Variants in NRG3 observed in about 807,000 individuals in gnomAD.
The protein encoded by NRG3 is pro-neuregulin-3, membrane-bound isoform.
Under a neutral mutation model 66.9 loss-of-function variants are expected in NRG3, and 31 were observed. The observed-to-expected ratio is 0.46, with a 90% confidence interval of 0.35 to 0.63. The LOEUF (loss-of-function observed/expected upper bound fraction) is 0.63, where lower values mean the gene tolerates loss of function less well. Ranked by LOEUF, NRG3 falls within the 20% of genes least tolerant of loss-of-function variation. NRG3 has a pLI of 0.00. For missense variants in NRG3, 910 were observed against 878.9 expected (o/e 1.04, Z -0.45); for synonymous variants, 393 against 359.4 (o/e 1.09, Z -1.06).
At chr10:82,981,705 G>T (rs1021541859) in intron 8 of NRG3, among the ~76,000 whole-genome samples, 1 of 152,156 alleles carries the variant, frequency 6.6e-6, no homozygotes, top group African/African-American at 2.4e-5. Flanking sequence ...GAAGGAGTGA[G>T]GTGGAGAGGA....
intron 8 of NRG3, among the ~76,000 whole-genome samples, chr10:82,981,429 AT>A (rs2132669883): frequency 6.6e-6 from 1 of 152,240 alleles, no homozygotes; most frequent in East Asian, 1.9e-4. Context: ...AAAAACAGCC[AT>A]TTTCCACTCC....
At chr10:82,706,047 C>T (rs1254764328) in intron 2 of NRG3, among the ~76,000 whole-genome samples, 1 of 152,136 alleles carries the variant, frequency 6.6e-6, no homozygotes, top group Non-Finnish European at 1.5e-5. Context: ...GGGACAGCTC[C>T]AACCTGGCCT....
chr10:82,852,792 T>C (rs1380892758), intron 3 of NRG3, among the ~76,000 whole-genome samples: 16 of 152,170 alleles, frequency 1.1e-4, no homozygotes, highest in Admixed American at 7.9e-4. Flanking sequence ...GTGGAGTAAT[T>C]ATTTCCAGTC....
intron 2 of NRG3, among the ~76,000 whole-genome samples, chr10:82,536,514 A>G (rs528290219): frequency 2.0e-5 from 3 of 152,166 alleles, no homozygotes; most frequent in African/African-American, 7.2e-5. Flanking sequence ...GAGGTGTCTG[A>G]TTTGTTAGTT....
At chr10:82,377,465 CGCACATGCGTGAGT>C (rs2085329229) in intron 2 of NRG3, among the ~76,000 whole-genome samples, 1 of 151,102 alleles carries the variant, frequency 6.6e-6, no homozygotes, top group Non-Finnish European at 1.5e-5. Context: ...TGTGCGCGAG[CGCACATGCGTGAGT>C]TCATCAGCCT....
chr10:82,705,415 A>T (rs1277515302), intron 2 of NRG3, among the ~76,000 whole-genome samples: 1 of 152,204 alleles, frequency 6.6e-6, no homozygotes, highest in African/African-American at 2.4e-5. Flanking sequence ...CTGTTTGTTA[A>T]CAAGTCCTCC....
chr10:82,647,579 C>A (rs1279757887), intron 2 of NRG3, among the ~76,000 whole-genome samples: 1 of 152,084 alleles, frequency 6.6e-6, no homozygotes, highest in Non-Finnish European at 1.5e-5. Context: ...GGAATCACCA[C>A]ACTGACTTCC....
At chr10:82,513,757 G>A (rs1264156282) in intron 2 of NRG3, among the ~76,000 whole-genome samples, 3 of 152,118 alleles carry the variant, frequency 2.0e-5, no homozygotes, top group African/African-American at 7.2e-5. Flanking sequence ...TCCAGCCTGG[G>A]CAATAGAATG....
At chr10:81,986,157 T>C (rs1001970898) in intron 1 of NRG3, among the ~76,000 whole-genome samples, 3 of 152,222 alleles carry the variant, frequency 2.0e-5, no homozygotes, top group Admixed American at 6.5e-5. Context: ...CCAGGAATTA[T>C]TTTTCTATCA....
intron 1 of NRG3, among the ~76,000 whole-genome samples, chr10:81,953,376 A>T (rs1386777759): frequency 1.3e-5 from 2 of 152,130 alleles, no homozygotes; most frequent in African/African-American, 4.8e-5. Flanking sequence ...AATAGACCTA[A>T]CACCCCAGAG....
chr10:81,876,032 C>A lies in NRG3; in HGVS notation c.692C>A (p.Thr231Asn). The stretch of plus-strand genomic sequence containing the variant: ...TCCTGGCCTACTGCGGCATACGCTA[C>A]CTCCTCCTACCTTCACGATTCTACT... The part of the protein sequence containing the change: ...MPSWPTAAYA[T>N]SSYLHDSTPS... Residue 231 changes from threonine (T) to asparagine (N), a missense_variant, in exon 1 of 9, where the codon ACC becomes AAC. Coordinates refer to ENST00000372141, the MANE Select transcript of NRG3 (RefSeq NM_001010848.4). 6.2e-7 allele frequency: 1 copy of A among 1,614,008 alleles called. No homozygotes were observed. The highest frequency in any genetic ancestry group is 8.5e-7 in the Non-Finnish European group (1 of 1,180,026).
At chr10:82,710,368 C>T (rs2056582739) in intron 2 of NRG3, among the ~76,000 whole-genome samples, 1 of 152,100 alleles carries the variant, frequency 6.6e-6, no homozygotes, top group African/African-American at 2.4e-5. Context: ...GGTGAATCCT[C>T]TCAGGTCGGG....
chr10:82,547,214 T>C (rs2043974464), intron 2 of NRG3, among the ~76,000 whole-genome samples: 1 of 152,026 alleles, frequency 6.6e-6, no homozygotes, highest in African/African-American at 2.4e-5. Context: ...TCTAATTTTG[T>C]TCTTTTTAAA....
At chr10:82,083,595 A>ATTTT (rs35927277) in intron 1 of NRG3, among the ~76,000 whole-genome samples, 1 of 115,372 alleles carries the variant, frequency 8.7e-6, no homozygotes, top group Non-Finnish European at 1.9e-5. Context: ...CCATTTGTTA[A>ATTTT]TTTTTTTTTT....
intron 1 of NRG3, among the ~76,000 whole-genome samples, chr10:82,137,036 T>A (rs945855711): frequency 6.6e-6 from 1 of 152,180 alleles, no homozygotes; most frequent in African/African-American, 2.4e-5. Context: ...ACTCACCTGA[T>A]TTTGTTTTTT....
At chr10:82,610,794 A>T (rs1023315482) in intron 2 of NRG3, among the ~76,000 whole-genome samples, 5 of 152,178 alleles carry the variant, frequency 3.3e-5, no homozygotes, top group African/African-American at 1.2e-4. Context: ...AATGTCATTC[A>T]GGGTATACAT....
chr10:82,288,485 G>A (rs1168167159), intron 1 of NRG3, among the ~76,000 whole-genome samples: 2 of 152,192 alleles, frequency 1.3e-5, no homozygotes, highest in African/African-American at 4.8e-5. Flanking sequence ...GAGCCGGGCA[G>A]CAAGGAGGAG....
intron 2 of NRG3, among the ~76,000 whole-genome samples, chr10:82,630,144 T>C (rs1034791170): frequency 6.6e-6 from 1 of 152,032 alleles, no homozygotes; most frequent in African/African-American, 2.4e-5. Context: ...ATGGGTTTGT[T>C]CCAGTGCACA....
At chr10:82,124,434 A>C (rs1384362097) in intron 1 of NRG3, among the ~76,000 whole-genome samples, 1 of 152,072 alleles carries the variant, frequency 6.6e-6, no homozygotes, top group Non-Finnish European at 1.5e-5. Context: ...CCCAATGAGT[A>C]AGGATAAAAA....
Sources: gnomAD v4.1 joint callset for allele counts (sites outside exome capture counted in the v4.1 genomes callset) on GRCh38, gnomAD v4.1.1 for gene constraint, MANE v1.5 for transcripts, NCBI Gene and HGNC (gene_info 2026-07-23, HGNC 2026-07-21) for gene names.